Variants in ANKRD36 observed in about 807,000 individuals in gnomAD.
ANKRD36 encodes ankyrin repeat domain-containing protein 36A.
ANKRD36 carries 179 observed loss-of-function variants against 278.1 expected under a neutral mutation model. The observed-to-expected ratio is 0.64, with a 90% CI of 0.57 to 0.73. The LOEUF (loss-of-function observed/expected upper bound fraction) is 0.73, where lower values mean the gene tolerates loss of function less well. Among genes scored for constraint, ANKRD36 ranks in the 30% least tolerant of loss-of-function variants. The pLI, the probability that ANKRD36 is intolerant of heterozygous loss-of-function variation, is 0.00. For synonymous variants in ANKRD36, 320 were observed against 641.1 expected, an observed-to-expected ratio of 0.50 and a Z score of 7.57; for missense variants, 1,159 against 1,956.7, an observed-to-expected ratio of 0.59 and a Z score of 7.69.
chr2:97,196,539 G>A, intron 40 of ANKRD36, 54 bp from the exon 41 acceptor site: 1 of 1,600,260 alleles, frequency 6.2e-7, no homozygotes, highest in South Asian at 1.1e-5. Flanking sequence ...TGAATGTATG[G>A]ATATCTTTGT....
At chr2:97,176,375 G>T (rs1003173711) in intron 22 of ANKRD36, among the ~76,000 whole-genome samples, 1 of 148,008 alleles carries the variant, frequency 6.8e-6, no homozygotes, top group African/African-American at 2.4e-5. Context: ...TTACCATTAT[G>T]TAATGGCCTT....
intron 53 of ANKRD36, 32 bp downstream of exon 53, chr2:97,207,871 G>T (rs781486987): frequency 6.5e-7 from 1 of 1,544,626 alleles, no homozygotes; most frequent in Non-Finnish European, 8.7e-7. Flanking sequence ...TTGTGAACTA[G>T]TAAATGTATA....
intron 66 of ANKRD36, among the ~76,000 whole-genome samples, chr2:97,221,143 T>C (rs2153652170): frequency 7.3e-6 from 1 of 137,594 alleles, no homozygotes; most frequent in South Asian, 2.3e-4. Context: ...TTCCATGGCA[T>C]ATATGTGCCA....
In ANKRD36 at chr2:97,183,670, A is replaced by G; in HGVS notation, c.1939+16A>G. ...TCTGGAACAGGTAATTTGGCAATAC[A>G]CATTTAATGTCATGTGCACTCAAGA... On this transcript the variant is annotated intron_variant, in intron 28 of 75. Transcript: ENST00000420699. 6.4e-7 allele frequency: 1 copy of G among 1,563,544 alleles called. No individual in the cohort carries two copies.
chr2:97,196,541 T>A lies in ANKRD36; in HGVS notation c.2552-52T>A, dbSNP rs1394058412. 1.1e-5 allele frequency: 18 copies of A among 1,601,002 alleles called. No homozygotes were observed. In the African/African-American group the frequency reaches 1.9e-4, roughly 17 times the overall value. On this transcript the variant is annotated intron_variant, in intron 40 of 75. Transcript: ENST00000420699. The stretch of plus-strand genomic sequence containing the variant: ...TGCTAACTCTGCTTGAATGTATGGA[T>A]ATCTTTGTCATATTTATGTATGACT...
intron 6 of ANKRD36, among the ~76,000 whole-genome samples, chr2:97,135,262 C>G (rs1478579705): frequency 5.3e-5 from 8 of 151,760 alleles, no homozygotes; most frequent in South Asian, 2.1e-4. Context: ...ATGGGGGATA[C>G]ATTTCAAGAC....
At chr2:97,182,303 G>C (rs2056442306) in intron 26 of ANKRD36, among the ~76,000 whole-genome samples, 1 of 89,250 alleles carries the variant, frequency 1.1e-5, no homozygotes, top group African/African-American at 2.7e-5. Context: ...TTCTTCTGAG[G>C]AAACCTGAGT....
intron 64 of ANKRD36, among the ~76,000 whole-genome samples, chr2:97,217,838 AAG>A (rs1242576685): frequency 6.6e-6 from 1 of 151,558 alleles, no homozygotes; most frequent in Non-Finnish European, 1.5e-5. Context: ...TTCATCAAGA[AAG>A]AGGGATTGCA....
chr2:97,211,007 A>T (rs2064365484), intron 56 of ANKRD36, among the ~76,000 whole-genome samples: 1 of 151,930 alleles, frequency 6.6e-6, no homozygotes, highest in Admixed American at 6.6e-5. Context: ...ATCAGCAAGC[A>T]GATATCCAAG....
intron 48 of ANKRD36, 60 bp downstream of exon 48, chr2:97,202,453 C>T (rs1238147064): frequency 4.6e-5 from 71 of 1,537,672 alleles, no homozygotes; most frequent in Admixed American, 1.2e-4. Context: ...AGTTCTCTTC[C>T]CCAAATAAAT....
rs779200089 is a variant in ANKRD36, at chr2:97,198,420, C to T, written c.2654-43C>T. ...TGTATGAATGTATGGATAATTTTGT[C>T]GTTTTTACATATGAGTGATTATGAA... On this transcript the variant is annotated intron_variant, in intron 42 of 75. Coordinates refer to ENST00000420699, the MANE Select transcript of ANKRD36 (RefSeq NM_001354587.1). The T allele has an allele frequency of 1.5e-5, 23 of 1,563,688 alleles. No individual in the cohort carries two copies. In the African/African-American group the frequency reaches 3.0e-4, roughly 20 times the overall value.
chr2:97,130,260 G>A (rs1290355964), intron 6 of ANKRD36, among the ~76,000 whole-genome samples: 2 of 151,958 alleles, frequency 1.3e-5, no homozygotes, highest in Admixed American at 1.3e-4. Flanking sequence ...GGGATACTAT[G>A]CAGCCATAAG....
At chr2:97,128,198 G>A (rs2039126178) in intron 6 of ANKRD36, among the ~76,000 whole-genome samples, 1 of 151,066 alleles carries the variant, frequency 6.6e-6, no homozygotes, top group African/African-American at 2.4e-5. Context: ...GTAGAATGAT[G>A]TTATTATAAT....
At chr2:97,134,647 C>T (rs1056591844) in intron 6 of ANKRD36, among the ~76,000 whole-genome samples, 2 of 152,010 alleles carry the variant, frequency 1.3e-5, no homozygotes, top group Non-Finnish European at 2.9e-5. Flanking sequence ...GAGAGTCATA[C>T]TATTTTTGTT....
rs1184239076 is a variant in ANKRD36 at position 97,144,699 on chromosome 2, A to G, written c.990A>G (p.Gln330=). 1 of 1,544,260 alleles carries G rather than the reference A, an allele frequency of 6.5e-7. No individual in the cohort carries two copies. The highest frequency in any genetic ancestry group is 1.2e-5 in the South Asian group (1 of 83,942). Residue 330 remains glutamine (Q), a synonymous_variant, in exon 10 of 76, where the codon CAA becomes CAG. Coordinates refer to ENST00000420699, the MANE Select transcript of ANKRD36 (RefSeq NM_001354587.1). ...SNTATEIKDE[Q]KSGTVLPAVE... ...CAGCCACAGAAATAAAAGATGAACA[A>G]AAATCTGGGACAGGTAATTTTGCAA...
Position 97,183,585 on chromosome 2 carries a change from A to G in ANKRD36, c.1870A>G (p.Ile624Val). 3 of 1,557,222 alleles carry G rather than the reference A, an allele frequency of 1.9e-6. No homozygotes were observed. The highest frequency in any genetic ancestry group is 2.4e-5 in the East Asian group (1 of 41,314). ...TTTTGTTTCTCTTTCCATTCAGGTTATATTTAAAAAGAAAGTTTCTCTTTT... is the reference window on the plus strand; with the variant it reads ...TTTTGTTTCTCTTTCCATTCAGGTTGTATTTAAAAAGAAAGTTTCTCTTTT... Reference protein sequence around the residue: ...SPQKQSAWKVIFKKKVSLLNI... With the variant: ...SPQKQSAWKVVFKKKVSLLNI... Residue 624 changes from isoleucine to valine, a missense_variant, in exon 28 of 76, where the codon ATA becomes GTA. Coordinates refer to ENST00000420699, the MANE Select transcript of ANKRD36 (RefSeq NM_001354587.1).
At chr2:97,143,699 A>G (rs977841070) in intron 8 of ANKRD36, among the ~76,000 whole-genome samples, 3 of 152,278 alleles carry the variant, frequency 2.0e-5, no homozygotes, top group Non-Finnish European at 2.9e-5. Context: ...TCATTAATTG[A>G]CTCCTAAAGT....
At chr2:97,140,797 G>T (rs1266199503) in intron 6 of ANKRD36, among the ~76,000 whole-genome samples, 1 of 151,998 alleles carries the variant, frequency 6.6e-6, no homozygotes, top group Non-Finnish European at 1.5e-5. Flanking sequence ...GGCAAAGAAT[G>T]AAGTCCACCA....
At chr2:97,154,771 C>A in intron 15 of ANKRD36, 30 bp downstream of exon 15, 2 of 1,433,460 alleles carry the variant, frequency 1.4e-6, no homozygotes, top group South Asian at 2.5e-5. Flanking sequence ...AATTAATTTT[C>A]TCATTCTGAA....
Sources: allele counts gnomAD v4.1 joint callset (sites outside exome capture counted in the v4.1 genomes callset), GRCh38; gene constraint gnomAD v4.1.1; transcripts MANE v1.5; gene names NCBI Gene and HGNC (gene_info 2026-07-23, HGNC 2026-07-21).